The following CLINT1 variants were observed in gnomAD, a reference collection of about 807,000 sequenced individuals.
CLINT1 encodes clathrin interacting protein localized in the trans-Golgi region.
A neutral mutation model predicts 70.4 loss-of-function variants in CLINT1; 15 were observed. The ratio of observed to expected loss-of-function variants is 0.21; its 90% CI spans 0.14 to 0.33. The LOEUF is 0.33. Among genes scored for constraint, CLINT1 ranks in the 10% least tolerant of loss-of-function variants. The probability of loss-of-function intolerance (pLI) is 1.00; values close to 1 mark genes in which losing one functional copy is unlikely to be tolerated. For synonymous variants in CLINT1, 227 were observed against 254.7 expected (o/e 0.89, Z 1.04); for missense variants, 615 against 778.1 (o/e 0.79, Z 2.49).
rs757853034 is a variant in CLINT1 at position 157,789,429 on chromosome 5, A to G, written c.1465T>C (p.Leu489=). 82 of 1,613,830 alleles carry G rather than the reference A, an allele frequency of 5.1e-5. No homozygotes were observed. Among genetic ancestry groups the G allele is most frequent in the Non-Finnish European group, 6.6e-5 (78 of 1,179,880 alleles). ...TTGGAAGGCTGCATACCAGGTAGTA[A>G]GTTGTCTAGGCTGATGTTTACACTG... ...DPSVNISLDN[L]LPGMQPSKPQ... The change falls in exon 11 of 12, where the codon TTA becomes CTA. Residue 489 remains leucine (L), a synonymous_variant. Transcript: ENST00000411809.
chr5:157,836,722 A>G (rs1763436797), intron 1 of CLINT1, among the ~76,000 whole-genome samples: 1 of 152,164 alleles, frequency 6.6e-6, no homozygotes, highest in South Asian at 2.1e-4. Flanking sequence ...TTATTCTAAA[A>G]TATCCTCTCC....
chr5:157,859,108 G>C lies in CLINT1; in HGVS notation c.-138C>G. ...ACTCCCCCAGTCAGCTCCTTCCTTT[G>C]CCACAGCAGCGGCGCCGCCGGTGAC... is the stretch of plus-strand genomic sequence containing the variant. On this transcript the variant is annotated 5_prime_UTR_variant, in exon 1 of 12. Coordinates refer to ENST00000411809, the MANE Select transcript of CLINT1 (RefSeq NM_014666.4). 2.3e-6 allele frequency: 2 copies of C among 858,380 alleles called. No individual in the cohort carries two copies. The highest frequency in any genetic ancestry group is 3.4e-6 in the Non-Finnish European group (2 of 580,594). The allele number at this position is 858,380 out of a possible 1,614,324, so 53.2% of individuals were successfully genotyped here.
chr5:157,859,010 C>T lies in CLINT1; in HGVS notation c.-40G>A, dbSNP rs1410484302. The stretch of plus-strand genomic sequence containing the variant: ...GACGGTCCGCCGCCTCCCTCTCCTG[C>T]TCCCCACGGACCCCGGAACACTTCC... On this transcript the variant is annotated 5_prime_UTR_variant, in exon 1 of 12. Coordinates refer to ENST00000411809, the MANE Select transcript of CLINT1 (RefSeq NM_014666.4). The T allele has an allele frequency of 6.2e-7, 1 of 1,609,186 alleles. No individual in the cohort carries two copies. The highest frequency in any genetic ancestry group is 1.7e-4 in the Middle Eastern group (1 of 6,050).
chr5:157,856,402 A>G (rs1027148690), intron 1 of CLINT1, among the ~76,000 whole-genome samples: 1 of 152,230 alleles, frequency 6.6e-6, no homozygotes, highest in African/African-American at 2.4e-5. Context: ...TAATGCCAGA[A>G]TATGAACCAG....
intron 1 of CLINT1, among the ~76,000 whole-genome samples, chr5:157,844,670 A>C (rs945616240): frequency 2.6e-5 from 4 of 152,234 alleles, no homozygotes; most frequent in Admixed American, 2.0e-4. Context: ...CACTGAACAT[A>C]AGAAAAATTG....
Position 157,834,363 on chromosome 5 carries a change from TA to T in CLINT1, c.42-16817del, listed in dbSNP as rs35913533. ...ACTCCAGCCTGGGCAACAGAGCGAT[TA>T]AAAAAAAAAAAACCTCCAGTTCCTG... On this transcript the variant is annotated intron_variant, in intron 1 of 11. Transcript: ENST00000411809. Among the ~76,000 whole-genome samples the T allele has an allele frequency of 9.3e-3, 1,337 of 143,846 alleles. 10 individuals carry two copies. The highest frequency in any genetic ancestry group is 0.034 in the South Asian group (153 of 4,498). The allele number at this position is 143,846 out of a possible 152,430, so 94.4% of individuals were successfully genotyped here.
intron 1 of CLINT1, among the ~76,000 whole-genome samples, chr5:157,853,147 A>G (rs1753629777): frequency 6.6e-6 from 1 of 152,146 alleles, no homozygotes; most frequent in Non-Finnish European, 1.5e-5. Context: ...CAGGAGTTCG[A>G]GACCAGCCTG....
intron 1 of CLINT1, among the ~76,000 whole-genome samples, chr5:157,840,441 G>A (rs997778499): frequency 8.6e-5 from 13 of 151,770 alleles, no homozygotes; most frequent in Admixed American, 2.6e-4. Flanking sequence ...TCAAATTTTC[G>A]GAATATTTTT....
At chr5:157,808,896 A>G (rs1460968737) in intron 6 of CLINT1, among the ~76,000 whole-genome samples, 1 of 152,100 alleles carries the variant, frequency 6.6e-6, no homozygotes, top group Non-Finnish European at 1.5e-5. Context: ...TCAGTATCTT[A>G]GGTCCCTGGA....
At chr5:157,816,702 G>T in intron 3 of CLINT1, 32 bp downstream of exon 3, 1 of 1,457,170 alleles carries the variant, frequency 6.9e-7, no homozygotes, top group Non-Finnish European at 9.6e-7. Flanking sequence ...TTTTCAACAT[G>T]TCAAGTAATT....
chr5:157,856,931 C>A (rs1398624527), intron 1 of CLINT1, among the ~76,000 whole-genome samples: 11 of 152,132 alleles, frequency 7.2e-5, no homozygotes, highest in Admixed American at 7.2e-4. Context: ...GTGTGATAAG[C>A]AAATATGAAA....
intron 8 of CLINT1, among the ~76,000 whole-genome samples, chr5:157,801,417 G>T (rs1163131240): frequency 6.6e-6 from 1 of 152,080 alleles, no homozygotes; most frequent in Non-Finnish European, 1.5e-5. Context: ...TGAGGCAGGA[G>T]AATCGCTTGA....
intron 9 of CLINT1, among the ~76,000 whole-genome samples, chr5:157,794,095 A>G (rs975309973): frequency 1.2e-4 from 18 of 152,292 alleles, no homozygotes; most frequent in African/African-American, 4.1e-4. Flanking sequence ...TTAATACTGA[A>G]TGTAGCCCCT....
intron 8 of CLINT1, among the ~76,000 whole-genome samples, chr5:157,799,568 C>G (rs1018867753): frequency 2.0e-5 from 3 of 151,746 alleles, no homozygotes; most frequent in African/African-American, 7.3e-5. Flanking sequence ...TAATCAAGAC[C>G]TAAATTTCTT....
At chr5:157,854,006 G>C (rs1419805964) in intron 1 of CLINT1, among the ~76,000 whole-genome samples, 1 of 152,030 alleles carries the variant, frequency 6.6e-6, no homozygotes, top group South Asian at 2.1e-4. Flanking sequence ...TACTAGAAAA[G>C]GAGGAGAATA....
intron 1 of CLINT1, among the ~76,000 whole-genome samples, chr5:157,827,834 T>C (rs1444959071): frequency 6.6e-6 from 1 of 152,212 alleles, no homozygotes; most frequent in Non-Finnish European, 1.5e-5. Context: ...AAGGAAAATA[T>C]TGCACACTTA....
At chr5:157,806,536 C>T (rs1021157790) in intron 6 of CLINT1, among the ~76,000 whole-genome samples, 17 of 152,062 alleles carry the variant, frequency 1.1e-4, no homozygotes, top group Non-Finnish European at 2.1e-4. Context: ...ACTATAGTTC[C>T]ACTTTTACAA....
chr5:157,819,396 C>T (rs535106032), intron 1 of CLINT1, among the ~76,000 whole-genome samples: 88 of 152,214 alleles, frequency 5.8e-4, no homozygotes, highest in Non-Finnish European at 1.0e-3. Context: ...TAAAATAAAT[C>T]CACAATCTCC....
chr5:157,856,762 T>C (rs1037045523), intron 1 of CLINT1, among the ~76,000 whole-genome samples: 2 of 152,240 alleles, frequency 1.3e-5, no homozygotes, highest in Non-Finnish European at 2.9e-5. Flanking sequence ...AAAAAGTCTT[T>C]GGTGACAACA....
Sources: allele counts gnomAD v4.1 joint callset (sites outside exome capture counted in the v4.1 genomes callset), GRCh38; gene constraint gnomAD v4.1.1; transcripts MANE v1.5; gene names NCBI Gene and HGNC (gene_info 2026-07-23, HGNC 2026-07-21).